DFFA: variants seen among roughly 807,000 people sequenced by gnomAD.
DFFA encodes DFF45.
DFFA carries 14 observed loss-of-function variants against 28.0 expected under a neutral mutation model. The ratio of observed to expected loss-of-function variants is 0.50; its 90% CI spans 0.33 to 0.78. The LOEUF is 0.78. Among genes scored for constraint, DFFA ranks in the 30% least tolerant of loss-of-function variants. DFFA has a pLI of 0.02. For missense variants in DFFA, 395 were observed against 407.1 expected (o/e 0.97, Z 0.26); for synonymous variants, 158 against 170.3 (o/e 0.93, Z 0.56).
Position 10,459,951 on chromosome 1 carries a change from GC to G in DFFA, c.*1538del, listed in dbSNP as rs970738977. The stretch of plus-strand genomic sequence containing the variant: ...AAGCTGACAATTACTTTATTTAAAA[GC>G]TTTTTTTTCTGGCCAGGGGTGGTGG... On this transcript the variant is annotated 3_prime_UTR_variant, in exon 6 of 6. Coordinates refer to ENST00000377038, the MANE Select transcript of DFFA (RefSeq NM_004401.3). 6.6e-6 allele frequency: 1 copy of G among 151,790 alleles called. No homozygotes were observed. The highest frequency in any genetic ancestry group is 2.4e-5 in the African/African-American group (1 of 41,316). 9.4% of individuals were successfully genotyped at this position (151,790 alleles called of 1,614,324 possible).
intron 5 of DFFA, 26 bp downstream of exon 5, chr1:10,463,032 G>C (rs780122410): frequency 6.2e-7 from 1 of 1,613,848 alleles, no homozygotes; most frequent in African/African-American, 1.3e-5. Flanking sequence ...CTCCTCTGTA[G>C]CTCAGTGACC....
rs1557792938 is a variant in DFFA at position 10,462,806 on chromosome 1, C to T, written c.783+252G>A. 6 of 1,348,904 alleles carry T rather than the reference C, an allele frequency of 4.4e-6. No individual in the cohort carries two copies. The South Asian group carries it at 5.3e-5, about 12-fold the overall frequency. 83.6% of individuals were successfully genotyped at this position (1,348,904 alleles called of 1,614,324 possible). On this transcript the variant is annotated intron_variant, in intron 5 of 5. Coordinates refer to ENST00000377038, the MANE Select transcript of DFFA (RefSeq NM_004401.3). Reference sequence around the variant, plus strand: ...CCCTGCTATTCCTCCCTGTCAGGAACAGTCATTTCATTACCAACCTTGGAC... The same window carrying T: ...CCCTGCTATTCCTCCCTGTCAGGAATAGTCATTTCATTACCAACCTTGGAC...
chr1:10,463,645 G>T, intron 3 of DFFA, 25 bp from the exon 4 acceptor site: 1 of 1,582,650 alleles, frequency 6.3e-7, no homozygotes, highest in African/African-American at 1.4e-5. Flanking sequence ...CAGACGCTTA[G>T]AAATCTACAG....
intron 1 of DFFA, among the ~76,000 whole-genome samples, chr1:10,470,830 G>A (rs1394969865): frequency 6.7e-6 from 1 of 150,266 alleles, no homozygotes; most frequent in Non-Finnish European, 1.5e-5. Context: ...TTGGGAGGCC[G>A]AGGCGGGTGG....
Position 10,460,707 on chromosome 1 carries a change from T to C in DFFA, c.*783A>G, listed in dbSNP as rs1157766659. The stretch of plus-strand genomic sequence containing the variant: ...ACCACGCCCAGCTAGTTTTTTGTAC[T>C]TTTAGTAAAAACACGTTTCACTGTG... On this transcript the variant is annotated 3_prime_UTR_variant, in exon 6 of 6. Transcript: ENST00000377038. 1 of 150,908 alleles carries C rather than the reference T, an allele frequency of 6.6e-6. No homozygotes were observed. The highest frequency in any genetic ancestry group is 2.0e-4 in the East Asian group (1 of 5,068). The allele number at this position is 150,908 out of a possible 1,614,324, so 9.3% of individuals were successfully genotyped here.
chr1:10,465,348 C>T (rs1641006260), intron 3 of DFFA, among the ~76,000 whole-genome samples: 1 of 152,126 alleles, frequency 6.6e-6, no homozygotes, highest in East Asian at 1.9e-4. Flanking sequence ...CTCACTGCTA[C>T]CTCCCCCTCC....
Position 10,472,177 on chromosome 1 carries a change from A to T in DFFA, c.136+146T>A, listed in dbSNP as rs570993490. 1 of 954,944 alleles carries T rather than the reference A, an allele frequency of 1.0e-6. No homozygotes were observed. The highest frequency in any genetic ancestry group is 1.7e-5 in the African/African-American group (1 of 58,932). 59.2% of individuals were successfully genotyped at this position (954,944 alleles called of 1,614,324 possible). A position where few individuals can be genotyped will look rare whatever the true frequency, so the allele number is the denominator to read the frequency against. On this transcript the variant is annotated intron_variant, in intron 1 of 5. Transcript: ENST00000377038. This position sits in a 1 kb window ranked among gnomAD's most constrained non-coding sequence, Gnocchi z 5.0. ...AAGCGCCTTAAATCTGTAAATCGCT[A>T]TGCCCACTCGGACCGTTTCTGTCCC...
Position 10,463,076 on chromosome 1 carries a change from T to A in DFFA, c.765A>T (p.Leu255Phe), listed in dbSNP as rs35783598. The change falls in exon 5 of 6, where the codon TTA becomes TTT. Residue 255 changes from leucine (L) to phenylalanine (F), a missense_variant. Leu to Phe is a conservative substitution (Grantham distance 22). Coordinates refer to ENST00000377038, the MANE Select transcript of DFFA (RefSeq NM_004401.3). ...CGCCCACCTCCAAATCCTGACTAGA[T>A]AAGCTCAGCTCTGGAGCCTGCTTCT... ...LREKQAPELS[L>F]SSQDLELVTK... 3,588 of 1,614,120 alleles carry A rather than the reference T, an allele frequency of 2.2e-3. 63 individuals are homozygous for A. The African/African-American group carries it at 0.041, about 19-fold the overall frequency.
At position 10,460,283 on chromosome 1, in the gene DFFA, C is replaced by G. The variant is rs1041915525; in HGVS notation, c.*1207G>C. On this transcript the variant is annotated 3_prime_UTR_variant, in exon 6 of 6. Coordinates refer to ENST00000377038, the MANE Select transcript of DFFA (RefSeq NM_004401.3). ...AAAACTTTTTTTTTTTCTTGAGATACGGAGTCTAGCTCTGTCACCCAGGCT... is the reference window on the plus strand; with the variant it reads ...AAAACTTTTTTTTTTTCTTGAGATAGGGAGTCTAGCTCTGTCACCCAGGCT... The G allele has an allele frequency of 6.6e-6, 1 of 150,852 alleles. No individual in the cohort carries two copies. The highest frequency in any genetic ancestry group is 1.5e-5 in the Non-Finnish European group (1 of 67,874). The allele number at this position is 150,852 out of a possible 1,614,324, so 9.3% of individuals were successfully genotyped here.
At chr1:10,466,209 A>C (rs1641020198) in intron 3 of DFFA, among the ~76,000 whole-genome samples, 1 of 151,916 alleles carries the variant, frequency 6.6e-6, no homozygotes, top group Non-Finnish European at 1.5e-5. Flanking sequence ...TTTGAGATGG[A>C]GTCTCTCTCT....
At position 10,469,192 on chromosome 1, in the gene DFFA, C is replaced by G. The variant is rs762516592; in HGVS notation, c.283G>C (p.Ala95Pro). Residue 95 changes from alanine to proline, a missense_variant, in exon 2 of 6, where the codon GCA becomes CCA. By Grantham distance (27) the Ala-to-Pro change is conservative. Transcript: ENST00000377038. ...AGTTTCTTACCTGAATTGTTGTATG[C>G]CCATTTCTCATTACTAGCCAATGCC... The part of the protein sequence containing the change: ...FVALASNEKW[A>P]YNNSDGGTAW... 1 of 1,614,044 alleles carries G rather than the reference C, an allele frequency of 6.2e-7. No homozygotes were observed. The highest frequency in any genetic ancestry group is 8.5e-7 in the Non-Finnish European group (1 of 1,179,990).
In DFFA at chr1:10,472,475, C is replaced by A. The variant is rs1325187735; in HGVS notation, c.-17G>T. 2 of 1,585,394 alleles carry A rather than the reference C, an allele frequency of 1.3e-6. No homozygotes were observed. Among genetic ancestry groups the A allele is most frequent in the South Asian group, 1.1e-5 (1 of 88,648 alleles). ...CACCTCCATCCTCCACAAGGTGGGA[C>A]CTGCCCACCTTCGAGAAGTCGCGGG... On this transcript the variant is annotated 5_prime_UTR_variant, in exon 1 of 6. Transcript: ENST00000377038. This position sits in a 1 kb window ranked among gnomAD's most constrained non-coding sequence, Gnocchi z 5.0.
rs997601217 is a variant in DFFA, at chr1:10,464,249, C to G, written c.442-629G>C. ...CTGGTACTACAGGTGCCTGCCACCACGCTTGGCTAATTTTTTGTATTTTTA... is the reference window on the plus strand; with the variant it reads ...CTGGTACTACAGGTGCCTGCCACCAGGCTTGGCTAATTTTTTGTATTTTTA... On this transcript the variant is annotated intron_variant, in intron 3 of 5. Transcript: ENST00000377038. 2.6e-5 allele frequency among the ~76,000 whole-genome samples: 4 copies of G among 151,940 alleles called. No individual in the cohort carries two copies. In the South Asian group the frequency reaches 8.3e-4, roughly 32 times the overall value.
rs1215556432 is a variant in DFFA at position 10,472,248 on chromosome 1, C to T, written c.136+75G>A. Reference sequence around the variant, plus strand: ...AGAATCCCCAAGTCGCCTCTCCTGACCCCGCCTCGCCCCCGCCGGACGTCC... The same window carrying T: ...AGAATCCCCAAGTCGCCTCTCCTGATCCCGCCTCGCCCCCGCCGGACGTCC... On this transcript the variant is annotated intron_variant, in intron 1 of 5. Transcript: ENST00000377038. This position sits in a 1 kb window ranked among gnomAD's most constrained non-coding sequence, Gnocchi z 5.0. 2 of 1,495,962 alleles carry T rather than the reference C, an allele frequency of 1.3e-6. No homozygotes were observed. Among genetic ancestry groups the T allele is most frequent in the African/African-American group, 1.4e-5 (1 of 70,946 alleles). The allele number at this position is 1,495,962 out of a possible 1,614,324, so 92.7% of individuals were successfully genotyped here.
At position 10,472,474 on chromosome 1, in the gene DFFA, A is replaced by C; in HGVS notation, c.-16T>G. On this transcript the variant is annotated 5_prime_UTR_variant, in exon 1 of 6. Coordinates refer to ENST00000377038, the MANE Select transcript of DFFA (RefSeq NM_004401.3). The surrounding 1 kb of genome is among the most constrained non-coding windows in gnomAD (Gnocchi z 5.0). ...TCACCTCCATCCTCCACAAGGTGGG[A>C]CCTGCCCACCTTCGAGAAGTCGCGG... is the stretch of plus-strand genomic sequence containing the variant. The C allele has an allele frequency of 1.3e-6, 2 of 1,585,236 alleles. No individual in the cohort carries two copies. The highest frequency in any genetic ancestry group is 1.7e-6 in the Non-Finnish European group (2 of 1,163,008).
intron 4 of DFFA, 80 bp from the exon 5 acceptor site, chr1:10,463,289 G>A (rs1044957823): frequency 1.2e-5 from 19 of 1,571,954 alleles, no homozygotes; most frequent in East Asian, 4.5e-5. Context: ...ATAACTGGCC[G>A]GGCAAGAGAG....
intron 2 of DFFA, 36 bp downstream of exon 2, chr1:10,469,139 CTG>C (rs1332360527): frequency 4.4e-6 from 7 of 1,605,194 alleles, no homozygotes; most frequent in Non-Finnish European, 5.1e-6. Context: ...GGATGCTGTA[CTG>C]CATAGGCCGT....
intron 2 of DFFA, 79 bp from the exon 3 acceptor site, chr1:10,467,411 T>C: frequency 6.8e-7 from 1 of 1,468,820 alleles, no homozygotes; most frequent in Non-Finnish European, 9.5e-7. Flanking sequence ...CACACAGACC[T>C]CTTGAGGATC....
In DFFA at chr1:10,462,088, G is replaced by C. The variant is rs527522931; in HGVS notation, c.784-386C>G. Among the ~76,000 whole-genome samples, 28 of 152,296 alleles carry C rather than the reference G, an allele frequency of 1.8e-4. No individual in the cohort carries two copies. The South Asian group carries it at 5.2e-3, about 28-fold the overall frequency. The stretch of plus-strand genomic sequence containing the variant: ...TTCGCCAGGATGGTCTCGATCTCCT[G>C]ACCTTGTGATCCGCCCACCTTGGCC... On this transcript the variant is annotated intron_variant, in intron 5 of 5. Coordinates refer to ENST00000377038, the MANE Select transcript of DFFA (RefSeq NM_004401.3).
Sources: allele counts gnomAD v4.1 joint callset (sites outside exome capture counted in the v4.1 genomes callset), GRCh38; gene constraint gnomAD v4.1.1; non-coding constraint Gnocchi (gnomAD v3.1); transcripts MANE v1.5; gene names NCBI Gene and HGNC (gene_info 2026-07-23, HGNC 2026-07-21).